MLC1: variants seen among roughly 807,000 people sequenced by gnomAD.
MLC1 encodes membrane protein MLC1.
Under a neutral mutation model 44.7 loss-of-function variants are expected in MLC1, and 32 were observed. The ratio of observed to expected loss-of-function variants is 0.72; its 90% CI spans 0.54 to 0.96. MLC1 has a LOEUF of 0.96. Among genes scored for constraint, MLC1 ranks in the 40% least tolerant of loss-of-function variants. The pLI is 0.00. For missense variants in MLC1, 459 were observed against 492.2 expected, an observed-to-expected ratio of 0.93 and a Z score of 0.64; for synonymous variants, 190 against 213.0, an observed-to-expected ratio of 0.89 and a Z score of 0.94.
intron 8 of MLC1, among the ~76,000 whole-genome samples, chr22:50,072,173 G>A (rs1046631242): frequency 2.0e-4 from 30 of 152,244 alleles, no homozygotes; most frequent in Non-Finnish European, 3.2e-4. Context: ...GTGAGCCATG[G>A]GAGGGCGGGA....
At chr22:50,065,650 C>T (rs6010254) in intron 10 of MLC1, among the ~76,000 whole-genome samples, 18,586 of 152,210 alleles carry the variant, frequency 0.12, 1,277 homozygotes, top group South Asian at 0.23. Flanking sequence ...GACGGAGGTG[C>T]TCCCACCCGT....
In MLC1 at chr22:50,083,824, C is replaced by T. The variant is rs2062210930; in HGVS notation, c.178-651G>A. On this transcript the variant is annotated intron_variant, in intron 2 of 11. Transcript: ENST00000311597. This position sits in a 1 kb window ranked among gnomAD's most constrained non-coding sequence, Gnocchi z 4.6. ...AGGGTCCTGGCAGAGGAAGCGAGGT[C>T]TGGGGCAGAGGGGATCTGGCCTGGG... Among the ~76,000 whole-genome samples the T allele has an allele frequency of 6.6e-6, 1 of 152,200 alleles. No individual in the cohort carries two copies. Among genetic ancestry groups the T allele is most frequent in the East Asian group, 1.9e-4 (1 of 5,154 alleles).
At chr22:50,067,821 C>G (rs2146805957) in intron 10 of MLC1, among the ~76,000 whole-genome samples, 1 of 145,590 alleles carries the variant, frequency 6.9e-6, no homozygotes, top group African/African-American at 2.6e-5. Context: ...GACTCCATCC[C>G]CCATCAGACA....
chr22:50,069,419 C>T lies in MLC1; in HGVS notation c.772-864G>A, dbSNP rs533481929. ...AAGCACTTTGGGAGGCCGAGGAGGGCGGATCACCTGAGGTCACGAGTTCGA... is the reference window on the plus strand; with the variant it reads ...AAGCACTTTGGGAGGCCGAGGAGGGTGGATCACCTGAGGTCACGAGTTCGA... On this transcript the variant is annotated intron_variant, in intron 9 of 11. Transcript: ENST00000311597. Among the ~76,000 whole-genome samples the T allele has an allele frequency of 5.9e-5, 9 of 151,988 alleles. No individual in the cohort carries two copies. The East Asian group carries it at 9.8e-4, about 17-fold the overall frequency.
rs76579675 is a variant in MLC1 at position 50,082,237 on chromosome 22, C to T, written c.267+847G>A. On this transcript the variant is annotated intron_variant, in intron 3 of 11. Coordinates refer to ENST00000311597, the MANE Select transcript of MLC1 (RefSeq NM_015166.4). Reference sequence around the variant, plus strand: ...TTGCGGGCCAGAGGGGCATGGGGTGCGCGGCTTGCGGGCCAGAGGGGCATG... The same window carrying T: ...TTGCGGGCCAGAGGGGCATGGGGTGTGCGGCTTGCGGGCCAGAGGGGCATG... 1.6e-4 allele frequency among the ~76,000 whole-genome samples: 24 copies of T among 149,642 alleles called. No homozygotes were observed. The East Asian group carries it at 2.4e-3, about 15-fold the overall frequency.
Position 50,073,906 on chromosome 22 carries a change from A to G in MLC1, c.714+310T>C, listed in dbSNP as rs7290280. On this transcript the variant is annotated intron_variant, in intron 8 of 11. Coordinates refer to ENST00000311597, the MANE Select transcript of MLC1 (RefSeq NM_015166.4). ...GTAATATAAATGCATTATATATTAGAAAATTATATAGAATAATAAACATCT... is the reference window on the plus strand; with the variant it reads ...GTAATATAAATGCATTATATATTAGGAAATTATATAGAATAATAAACATCT... Among the ~76,000 whole-genome samples, 1,216 of 152,324 alleles carry G rather than the reference A, an allele frequency of 8.0e-3. 18 individuals are homozygous for G. The highest frequency in any genetic ancestry group is 0.028 in the African/African-American group (1,155 of 41,558).
At chr22:50,072,214 G>T (rs1297436323) in intron 8 of MLC1, among the ~76,000 whole-genome samples, 2 of 152,224 alleles carry the variant, frequency 1.3e-5, no homozygotes, top group African/African-American at 4.8e-5. Context: ...TGGCCACTCC[G>T]GCCCCTGCCC....
Position 50,080,276 on chromosome 22 carries a change from A to G in MLC1, c.321+68T>C, listed in dbSNP as rs986142659. On this transcript the variant is annotated intron_variant, in intron 4 of 11. Coordinates refer to ENST00000311597, the MANE Select transcript of MLC1 (RefSeq NM_015166.4). Reference sequence around the variant, plus strand: ...TGCGTGGGCACACACACAAGCACACATGGGCACACTGTCTGTCAGCCCCTC... The same window carrying G: ...TGCGTGGGCACACACACAAGCACACGTGGGCACACTGTCTGTCAGCCCCTC... 5.2e-6 allele frequency: 8 copies of G among 1,528,374 alleles called. No individual in the cohort carries two copies. The Admixed American group carries it at 5.7e-5, about 11-fold the overall frequency. The allele number at this position is 1,528,374 out of a possible 1,614,324, so 94.7% of individuals were successfully genotyped here.
intron 11 of MLC1, among the ~76,000 whole-genome samples, chr22:50,062,369 G>T (rs147642112): frequency 6.6e-6 from 1 of 151,740 alleles, no homozygotes; most frequent in African/African-American, 2.4e-5. Context: ...GGGATCTGGG[G>T]AGAACACCTC....
At chr22:50,084,621 A>G (rs1044068546) in intron 2 of MLC1, 105 bp downstream of exon 2, 9 of 1,240,504 alleles carry the variant, frequency 7.3e-6, no homozygotes, top group African/African-American at 1.5e-5. Context: ...GGTTAGTCTG[A>G]GAGTTGCTCT....
intron 9 of MLC1, among the ~76,000 whole-genome samples, chr22:50,069,410 C>G (rs145229513): frequency 0.012 from 1,820 of 151,794 alleles, 31 homozygotes; most frequent in African/African-American, 0.042. Flanking sequence ...TTTGGGAGGC[C>G]GAGGAGGGCG....
intron 8 of MLC1, among the ~76,000 whole-genome samples, chr22:50,072,006 A>G (rs1232858937): frequency 6.6e-6 from 1 of 152,216 alleles, no homozygotes; most frequent in African/African-American, 2.4e-5. Context: ...GCCCCAAGCC[A>G]GCTGCTGAGG....
At chr22:50,074,066 T>C in intron 8 of MLC1, 150 bp downstream of exon 8, 1 of 671,648 alleles carries the variant, frequency 1.5e-6, no homozygotes, top group East Asian at 2.7e-5. Context: ...AATCCTTAAC[T>C]CCCCAGTTCT....
At position 50,059,561 on chromosome 22, in the gene MLC1, A is replaced by G. The variant is rs1402539010; in HGVS notation, c.*2022T>C. On this transcript the variant is annotated 3_prime_UTR_variant, in exon 12 of 12. Coordinates refer to ENST00000311597, the MANE Select transcript of MLC1 (RefSeq NM_015166.4). ...CCAAGTGCCTAATTCTGACTCTGAAACTTGAGCTCTCTGGTCTGCCCCCAA... is the reference window on the plus strand; with the variant it reads ...CCAAGTGCCTAATTCTGACTCTGAAGCTTGAGCTCTCTGGTCTGCCCCCAA... The G allele has an allele frequency of 6.6e-6, 1 of 152,272 alleles. No individual in the cohort carries two copies. Among genetic ancestry groups the G allele is most frequent in the East Asian group, 1.9e-4 (1 of 5,330 alleles). The allele number at this position is 152,272 out of a possible 1,614,324, so 9.4% of individuals were successfully genotyped here.
chr22:50,074,109 G>A lies in MLC1; in HGVS notation c.714+107C>T. 4.4e-6 allele frequency: 4 copies of A among 909,920 alleles called. No homozygotes were observed. The South Asian group carries it at 5.6e-5, about 13-fold the overall frequency. 56.4% of individuals were successfully genotyped at this position (909,920 alleles called of 1,614,324 possible). A position where few individuals can be genotyped will look rare whatever the true frequency, so the allele number is the denominator to read the frequency against. ...TTGGGGGCCAGCGAGGACCCTCTGTGGTGACTCTCTGTCTGAATGCACCAA... is the reference window on the plus strand; with the variant it reads ...TTGGGGGCCAGCGAGGACCCTCTGTAGTGACTCTCTGTCTGAATGCACCAA... On this transcript the variant is annotated intron_variant, in intron 8 of 11. Coordinates refer to ENST00000311597, the MANE Select transcript of MLC1 (RefSeq NM_015166.4).
At chr22:50,070,789 G>A (rs2146832350) in intron 8 of MLC1, among the ~76,000 whole-genome samples, 1 of 152,340 alleles carries the variant, frequency 6.6e-6, no homozygotes, top group South Asian at 2.1e-4. Context: ...CAGAGGTTTT[G>A]TGTGCTCTCT....
chr22:50,073,254 A>C (rs2061901465), intron 8 of MLC1, among the ~76,000 whole-genome samples: 1 of 152,240 alleles, frequency 6.6e-6, no homozygotes, highest in Admixed American at 6.5e-5. Flanking sequence ...TGTACATAAG[A>C]GAGCAGGGGC....
At chr22:50,073,709 C>G (rs1452003197) in intron 8 of MLC1, among the ~76,000 whole-genome samples, 3 of 152,048 alleles carry the variant, frequency 2.0e-5, no homozygotes, top group Admixed American at 6.6e-5. Flanking sequence ...GCACTCCAGC[C>G]TGGGTGGCAG....
chr22:50,078,108 C>T (rs2062028118), intron 5 of MLC1, among the ~76,000 whole-genome samples: 1 of 151,638 alleles, frequency 6.6e-6, no homozygotes, highest in South Asian at 2.1e-4. Flanking sequence ...TGTCCTGCCT[C>T]AGCCTCCCGA....
Sources: gnomAD v4.1 joint callset for allele counts (sites outside exome capture counted in the v4.1 genomes callset) on GRCh38, gnomAD v4.1.1 for gene constraint, Gnocchi (gnomAD v3.1) non-coding constraint, MANE v1.5 for transcripts, NCBI Gene and HGNC (gene_info 2026-07-23, HGNC 2026-07-21) for gene names.